Variants in DLG2 observed in about 807,000 individuals in gnomAD.
DLG2 encodes discs large MAGUK scaffold protein 2, also known as disks large homolog 2.
In DLG2, 45 loss-of-function variants were observed where a neutral mutation model predicts 132.5. The ratio of observed to expected loss-of-function variants is 0.34; its 90% CI spans 0.27 to 0.44. The LOEUF (loss-of-function observed/expected upper bound fraction) is 0.44. DLG2 is among the 20% of genes least tolerant of loss of function. The pLI is 1.00. For missense variants in DLG2, 1,045 were observed against 1,196.9 expected (o/e 0.87, Z 1.87); for synonymous variants, 424 against 419.6 (o/e 1.01, Z -0.13).
chr11:84,087,054 C>A (rs902943014), intron 10 of DLG2, among the ~76,000 whole-genome samples: 22 of 152,142 alleles, frequency 1.4e-4, no homozygotes, highest in African/African-American at 4.8e-4. Flanking sequence ...ATCCATTCAC[C>A]CATCAATGGA....
chr11:83,474,657 G>A (rs1172787731), intron 22 of DLG2, among the ~76,000 whole-genome samples: 3 of 152,086 alleles, frequency 2.0e-5, no homozygotes. Flanking sequence ...CCCATTGAGT[G>A]CTTAACATAA....
At chr11:84,545,160 G>A in intron 6 of DLG2, 2 of 451,412 alleles carry the variant, frequency 4.4e-6, no homozygotes, top group Non-Finnish European at 8.7e-6. Flanking sequence ...CATGGCTAAT[G>A]CTGCTACTGG....
intron 7 of DLG2, among the ~76,000 whole-genome samples, chr11:84,443,837 G>C (rs535752795): frequency 2.0e-5 from 3 of 152,046 alleles, no homozygotes; most frequent in African/African-American, 7.2e-5. Flanking sequence ...ACTTGTCTTA[G>C]TTTTATTCAT....
chr11:83,850,154 G>GT (rs1185999254), intron 16 of DLG2, among the ~76,000 whole-genome samples: 8 of 131,276 alleles, frequency 6.1e-5, no homozygotes, highest in African/African-American at 2.8e-4. Flanking sequence ...GTGTGTGTGT[G>GT]TGTGTGTTTT....
intron 6 of DLG2, among the ~76,000 whole-genome samples, chr11:84,665,502 A>G (rs1361229211): frequency 6.6e-6 from 1 of 152,026 alleles, no homozygotes; most frequent in African/African-American, 2.4e-5. Flanking sequence ...GCCTTTCCAC[A>G]TGCTAATCCT....
rs1262938327 is a variant in DLG2 at position 84,857,947 on chromosome 11, C to A, written c.357+253714G>T. Among the ~76,000 whole-genome samples, 13 of 151,610 alleles carry A rather than the reference C, an allele frequency of 8.6e-5. 1 individual carries two copies. Among genetic ancestry groups the A allele is most frequent in the Admixed American group, 8.6e-4 (13 of 15,180 alleles). On this transcript the variant is annotated intron_variant, in intron 6 of 27. Transcript: ENST00000376104. ...ACTGTGTGTCATGCAGGCTGGAGTG[C>A]AGTGATTCAGTCAATGCTCACTGTA...
At chr11:84,370,874 A>T (rs1218706065) in intron 7 of DLG2, among the ~76,000 whole-genome samples, 1 of 152,170 alleles carries the variant, frequency 6.6e-6, no homozygotes, top group Non-Finnish European at 1.5e-5. Flanking sequence ...ATACTAATAA[A>T]GACCACTATA....
rs545228530 is a variant in DLG2, at chr11:84,733,102, T to C, written c.358-198371A>G. ...TGTGAATAGTGCCACAATAAACATA[T>C]GTGTGCATGTGTCTTTATAGCAGCA... On this transcript the variant is annotated intron_variant, in intron 6 of 27. Coordinates refer to ENST00000376104, the MANE Select transcript of DLG2 (RefSeq NM_001142699.3). Among the ~76,000 whole-genome samples the C allele has an allele frequency of 9.9e-3, 1,509 of 152,162 alleles. 10 individuals carry two copies. Among genetic ancestry groups the C allele is most frequent in the South Asian group, 0.026 (125 of 4,818 alleles).
intron 6 of DLG2, among the ~76,000 whole-genome samples, chr11:84,857,223 G>A (rs532751431): frequency 3.9e-5 from 6 of 152,038 alleles, no homozygotes; most frequent in South Asian, 2.1e-4. Context: ...AAGCAAAGTC[G>A]AAAAGAAAAT....
intron 9 of DLG2, among the ~76,000 whole-genome samples, chr11:84,138,809 C>T (rs567953532): frequency 1.0e-3 from 157 of 152,094 alleles, no homozygotes; most frequent in African/African-American, 3.7e-3. Context: ...ATTAGCCTAG[C>T]GTGGTGGCAC....
chr11:83,705,780 C>T (rs115967505), intron 18 of DLG2, among the ~76,000 whole-genome samples: 1,748 of 152,160 alleles, frequency 0.011, 49 homozygotes, highest in African/African-American at 0.04. Context: ...GAATTCTCTT[C>T]GTGAAAAAAC....
intron 18 of DLG2, among the ~76,000 whole-genome samples, chr11:83,737,741 C>G (rs1344327676): frequency 1.3e-5 from 2 of 152,174 alleles, no homozygotes; most frequent in African/African-American, 4.8e-5. Flanking sequence ...ATAACGAGGT[C>G]AGGAGATCGA....
At chr11:84,965,865 A>G (rs575636942) in intron 6 of DLG2, among the ~76,000 whole-genome samples, 2 of 152,218 alleles carry the variant, frequency 1.3e-5, no homozygotes, top group African/African-American at 4.8e-5. Flanking sequence ...GAAGCTTCCT[A>G]TACTGTTATC....
chr11:83,678,851 T>A (rs1441447365), intron 18 of DLG2, among the ~76,000 whole-genome samples: 1 of 152,202 alleles, frequency 6.6e-6, no homozygotes, highest in Non-Finnish European at 1.5e-5. Context: ...TCATTTTTTA[T>A]ATCAAATTTT....
intron 6 of DLG2, among the ~76,000 whole-genome samples, chr11:84,597,022 A>T (rs2099561976): frequency 6.6e-6 from 1 of 152,128 alleles, no homozygotes; most frequent in South Asian, 2.1e-4. Flanking sequence ...GGAGTTCAAG[A>T]CTAGCCTGGC....
rs376200205 is a variant in DLG2, at chr11:84,374,001, C to T, written c.520-122710G>A. Among the ~76,000 whole-genome samples the T allele has an allele frequency of 2.6e-5, 4 of 152,158 alleles. No homozygotes were observed. In the East Asian group the frequency reaches 7.7e-4, roughly 29 times the overall value. On this transcript the variant is annotated intron_variant, in intron 7 of 27. Coordinates refer to ENST00000376104, the MANE Select transcript of DLG2 (RefSeq NM_001142699.3). Reference sequence around the variant, plus strand: ...TTGATACTTTACATGAACACATTTGCTCTGCGTTGAGAGGTTCCTCCTGCT... The same window carrying T: ...TTGATACTTTACATGAACACATTTGTTCTGCGTTGAGAGGTTCCTCCTGCT...
chr11:85,012,844 A>G (rs1478321942), intron 6 of DLG2, among the ~76,000 whole-genome samples: 1 of 152,182 alleles, frequency 6.6e-6, no homozygotes, highest in Non-Finnish European at 1.5e-5. Flanking sequence ...CTTGATTTGA[A>G]TTCCAGCACT....
At chr11:85,190,563 A>G (rs548411775) in intron 4 of DLG2, among the ~76,000 whole-genome samples, 34 of 152,290 alleles carry the variant, frequency 2.2e-4, no homozygotes, top group African/African-American at 7.9e-4. Flanking sequence ...AAAAAAATCA[A>G]TGAAACCAAA....
intron 7 of DLG2, among the ~76,000 whole-genome samples, chr11:84,446,563 A>AT (rs61311812): frequency 0.062 from 9,069 of 145,112 alleles, 305 homozygotes; most frequent in Middle Eastern, 0.16. Context: ...TTTCATATCA[A>AT]TTTTTTTTTT....
Sources: gnomAD v4.1 joint callset for allele counts (sites outside exome capture counted in the v4.1 genomes callset) on GRCh38, gnomAD v4.1.1 for gene constraint, MANE v1.5 for transcripts, NCBI Gene and HGNC (gene_info 2026-07-23, HGNC 2026-07-21) for gene names.